ATXN7: variants seen among roughly 807,000 people sequenced by gnomAD.
The protein encoded by ATXN7 is ataxin-7.
A neutral mutation model predicts 70.5 loss-of-function variants in ATXN7; 12 were observed. The observed-to-expected ratio is 0.17, with a 90% CI of 0.11 to 0.28. The LOEUF (loss-of-function observed/expected upper bound fraction) is 0.28. Ranked by LOEUF, ATXN7 falls within the 10% of genes least tolerant of loss-of-function variation. The pLI is 1.00. For synonymous variants in ATXN7, 498 were observed against 448.7 expected (o/e 1.11, Z -1.39); for missense variants, 1,256 against 1,131.7 (o/e 1.11, Z -1.58).
At chr3:63,973,343 A>G (rs1007304448) in intron 5 of ATXN7, among the ~76,000 whole-genome samples, 4 of 152,124 alleles carry the variant, frequency 2.6e-5, no homozygotes, top group African/African-American at 9.7e-5. Flanking sequence ...CGAAGCATGC[A>G]TATTGTGTTG....
At chr3:63,992,687 T>C (rs2106793853) in intron 11 of ATXN7, among the ~76,000 whole-genome samples, 1 of 152,318 alleles carries the variant, frequency 6.6e-6, no homozygotes, top group South Asian at 2.1e-4. Flanking sequence ...TCTACTCTGT[T>C]CTGTCTGAAG....
intron 5 of ATXN7, among the ~76,000 whole-genome samples, chr3:63,955,603 C>G (rs949745205): frequency 4.6e-5 from 7 of 152,146 alleles, no homozygotes; most frequent in Non-Finnish European, 8.8e-5. Flanking sequence ...GGTACATTTT[C>G]TTTTTTGTTG....
At chr3:63,863,210 A>G (rs563099592), upstream of ATXN7, 6 of 153,922 alleles carry the variant, frequency 3.9e-5, no homozygotes, top group South Asian at 2.1e-4. Flanking sequence ...GTGCTTCCCA[A>G]TATGCCCCAG....
At chr3:63,874,056 A>G (rs1702674688) in intron 1 of ATXN7, among the ~76,000 whole-genome samples, 1 of 152,154 alleles carries the variant, frequency 6.6e-6, no homozygotes, top group South Asian at 2.1e-4. Flanking sequence ...TACACTGTCT[A>G]TTTCCATTTA....
chr3:63,922,748 A>C (rs1365630816), intron 4 of ATXN7, among the ~76,000 whole-genome samples: 1 of 152,166 alleles, frequency 6.6e-6, no homozygotes, highest in Non-Finnish European at 1.5e-5. Flanking sequence ...TTCCAATTTA[A>C]CTTAGCAGTT....
In ATXN7 at chr3:63,913,180, A is replaced by C. The variant is rs1704126840; in HGVS notation, c.349A>C (p.Lys117Gln). ...KDGTELDESF[K>Q]EFGKNREVMG... ...AGGGACAGAATTGGACGAAAGTTTC[A>C]AGGAGTTTGGGAAAAACCGCGAAGT... The change falls in exon 4 of 13, where the codon AAG becomes CAG. Residue 117 changes from lysine to glutamine, a missense_variant. Physicochemically the swap from Lys to Gln is moderately conservative, Grantham distance 53. Transcript: ENST00000674280. 6.2e-7 allele frequency: 1 copy of C among 1,613,652 alleles called. No individual in the cohort carries two copies. The highest frequency in any genetic ancestry group is 1.3e-5 in the African/African-American group (1 of 74,798).
chr3:63,998,501 AT>A, intron 12 of ATXN7: 1 of 985,272 alleles, frequency 1.0e-6, no homozygotes, highest in Non-Finnish European at 1.2e-6. Context: ...TAGTGGCACT[AT>A]GTCTTACTAG....
At chr3:63,913,032 G>A (rs1704116995) in intron 3 of ATXN7, 109 bp downstream of exon 3, 3 of 1,368,024 alleles carry the variant, frequency 2.2e-6, no homozygotes, top group African/African-American at 1.5e-5. Context: ...GGGCAGAGAT[G>A]CTATCGTTTG....
chr3:63,912,886 T>A lies in ATXN7; in HGVS notation c.288T>A (p.Asn96Lys), dbSNP rs572429085. The change falls in exon 3 of 13, where the codon AAT (asparagine) becomes AAA (lysine). Residue 96 changes from asparagine to lysine, a missense_variant. Asn to Lys is a moderately conservative substitution (Grantham distance 94). Transcript: ENST00000674280. The stretch of plus-strand genomic sequence containing the variant: ...AAGTGATGCTGGGACAGTCGTGGAA[T>A]CTGTGGGTTGAGGCTTCCAAACTTC... ...SPEVMLGQSW[N>K]LWVEASKLPG... 6 of 1,613,300 alleles carry A rather than the reference T, an allele frequency of 3.7e-6. No homozygotes were observed. The highest frequency in any genetic ancestry group is 5.1e-6 in the Non-Finnish European group (6 of 1,179,698).
At chr3:63,868,275 C>G (rs1452002933) in intron 1 of ATXN7, among the ~76,000 whole-genome samples, 2 of 152,130 alleles carry the variant, frequency 1.3e-5, no homozygotes, top group African/African-American at 4.8e-5. Context: ...ACTTAAAATT[C>G]AAATTTGGTT....
chr3:63,956,420 C>CAA lies in ATXN7; in HGVS notation c.499+3962_499+3963dup, dbSNP rs1175948780. ...TGGGTGACGGAGCGAGACTGCATCTCAAAAAAAAAAAAAAAAAAAAAAAAA... is the reference window on the plus strand; with the variant it reads ...TGGGTGACGGAGCGAGACTGCATCTCAAAAAAAAAAAAAAAAAAAAAAAAAAA... On this transcript the variant is annotated intron_variant, in intron 5 of 12. Coordinates refer to ENST00000674280, the MANE Select transcript of ATXN7 (RefSeq NM_001377405.1). Among the ~76,000 whole-genome samples the CAA allele has an allele frequency of 5.4e-3, 197 of 36,650 alleles. 12 individuals carry two copies. Among genetic ancestry groups the CAA allele is most frequent in the South Asian group, 0.015 (10 of 656 alleles). The allele number at this position is 36,650 out of a possible 152,430, so 24.0% of individuals were successfully genotyped here.
intron 1 of ATXN7, among the ~76,000 whole-genome samples, chr3:63,872,205 G>A (rs1702616355): frequency 6.6e-6 from 1 of 152,156 alleles, no homozygotes; most frequent in Admixed American, 6.5e-5. Context: ...GAAACTTTAG[G>A]ACGTGAATAC....
intron 1 of ATXN7, among the ~76,000 whole-genome samples, chr3:63,888,509 TG>T (rs374008740): frequency 1.1e-3 from 170 of 152,316 alleles, no homozygotes; most frequent in African/African-American, 1.8e-3. Flanking sequence ...TCGGGCGCAG[TG>T]GCTCATGCCT....
At chr3:63,936,655 A>G (rs866493748) in intron 4 of ATXN7, among the ~76,000 whole-genome samples, 10 of 152,296 alleles carry the variant, frequency 6.6e-5, no homozygotes, top group Middle Eastern at 3.4e-3. Context: ...CAGGATCCCA[A>G]TAACCTCCTG....
intron 11 of ATXN7, among the ~76,000 whole-genome samples, chr3:63,992,988 C>G (rs1387980140): frequency 6.6e-6 from 1 of 152,174 alleles, no homozygotes; most frequent in African/African-American, 2.4e-5. Flanking sequence ...GATCCAGGTC[C>G]CACCCTACCG....
intron 1 of ATXN7, among the ~76,000 whole-genome samples, chr3:63,880,359 C>T (rs1702874915): frequency 6.6e-6 from 1 of 152,190 alleles, no homozygotes; most frequent in Admixed American, 6.5e-5. Context: ...CTACAGTTGC[C>T]GTGTCCTAGA....
At chr3:63,942,471 GT>G (rs1289148607) in intron 4 of ATXN7, among the ~76,000 whole-genome samples, 1 of 151,892 alleles carries the variant, frequency 6.6e-6, no homozygotes, top group African/African-American at 2.4e-5. Context: ...ACTTCGCAGG[GT>G]TTTTTTTCTT....
intron 2 of ATXN7, among the ~76,000 whole-genome samples, chr3:63,899,971 C>G (rs1703575009): frequency 6.6e-6 from 1 of 152,102 alleles, no homozygotes; most frequent in South Asian, 2.1e-4. Context: ...ATAGTCCCAG[C>G]TACTCAGGAG....
At chr3:63,869,032 G>C (rs1252346403) in intron 1 of ATXN7, among the ~76,000 whole-genome samples, 1 of 152,212 alleles carries the variant, frequency 6.6e-6, no homozygotes, top group Non-Finnish European at 1.5e-5. Flanking sequence ...TGAGTCAAAA[G>C]AAAGTGTGAG....
Sources: allele counts gnomAD v4.1 joint callset (sites outside exome capture counted in the v4.1 genomes callset), GRCh38; gene constraint gnomAD v4.1.1; transcripts MANE v1.5; gene names NCBI Gene and HGNC (gene_info 2026-07-23, HGNC 2026-07-21).